RPRD2: variants seen among roughly 807,000 people sequenced by gnomAD.
The protein encoded by RPRD2 is regulation of nuclear pre-mRNA domain-containing protein 2.
Under a neutral mutation model 104.4 loss-of-function variants are expected in RPRD2, and 12 were observed. The observed-to-expected ratio is 0.11, with a 90% CI of 0.07 to 0.19. RPRD2 has a LOEUF of 0.19. Among genes scored for constraint, RPRD2 ranks in the 10% least tolerant of loss-of-function variants. The pLI is 1.00. For synonymous variants in RPRD2, 714 were observed against 684.9 expected (o/e 1.04, Z -0.66); for missense variants, 1,543 against 1,790.1 (o/e 0.86, Z 2.49).
At chr1:150,443,092 T>A in intron 4 of RPRD2, 139 bp from the exon 5 acceptor site, 1 of 606,238 alleles carries the variant, frequency 1.6e-6, no homozygotes, top group East Asian at 2.9e-5. Context: ...TAGTCCATTA[T>A]TTATTTTAGG....
chr1:150,417,172 AT>A (rs71578492), intron 1 of RPRD2, among the ~76,000 whole-genome samples: 45,073 of 149,770 alleles, frequency 0.3, 8,114 homozygotes, highest in Non-Finnish European at 0.4. Context: ...TGTTCAACTC[AT>A]TTTTTTTTTG....
intron 7 of RPRD2, among the ~76,000 whole-genome samples, chr1:150,449,659 C>A (rs1232465799): frequency 3.3e-5 from 5 of 152,034 alleles, no homozygotes; most frequent in African/African-American, 1.2e-4. Flanking sequence ...TAGGGCCCAT[C>A]CTGATGACCT....
In RPRD2 at chr1:150,404,123, C is replaced by T. The variant is rs1265194553; in HGVS notation, c.206-13473C>T. Among the ~76,000 whole-genome samples, 3 of 152,184 alleles carry T rather than the reference C, an allele frequency of 2.0e-5. No homozygotes were observed. In the East Asian group the frequency reaches 5.8e-4, roughly 29 times the overall value. ...AACCTGAAAAAGACCTAAGACCCAG[C>T]TGATTTAGCAGCCACACTTGTGTGA... is the stretch of plus-strand genomic sequence containing the variant. On this transcript the variant is annotated intron_variant, in intron 1 of 10. Coordinates refer to ENST00000369068, the MANE Select transcript of RPRD2 (RefSeq NM_015203.5).
chr1:150,436,859 C>T (rs1225866698), intron 2 of RPRD2, among the ~76,000 whole-genome samples: 7 of 146,198 alleles, frequency 4.8e-5, no homozygotes, highest in Admixed American at 6.9e-5. Context: ...GAGCTGAGAT[C>T]GCGCCATTGC....
At chr1:150,442,116 G>A (rs1013577368) in intron 4 of RPRD2, among the ~76,000 whole-genome samples, 158 bp downstream of exon 4, 2 of 134,384 alleles carry the variant, frequency 1.5e-5, no homozygotes, top group East Asian at 2.0e-4. Flanking sequence ...AGCCATCATG[G>A]AGATACTTCT....
intron 1 of RPRD2, among the ~76,000 whole-genome samples, chr1:150,382,255 C>T (rs1553880942): frequency 2.6e-5 from 4 of 152,046 alleles, no homozygotes; most frequent in African/African-American, 4.8e-5. Flanking sequence ...AGCAAAAGAA[C>T]ATATAATTTG....
chr1:150,441,689 A>T (rs1666414513), intron 3 of RPRD2, 192 bp from the exon 4 acceptor site: 1 of 454,860 alleles, frequency 2.2e-6, no homozygotes, highest in Non-Finnish European at 4.0e-6. Context: ...TGATGATAAA[A>T]ATCGTGTTTA....
rs562476167 is a variant in RPRD2, at chr1:150,387,567, C to CTTTTTTTT, written c.205+22682_205+22689dup. On this transcript the variant is annotated intron_variant, in intron 1 of 10. Transcript: ENST00000369068. ...AAATCTTACAGAAGTTGCAACAGACCTTTTTTTTTTTTTTTTTTTTTTTTT... is the reference window on the plus strand; with the variant it reads ...AAATCTTACAGAAGTTGCAACAGACCTTTTTTTTTTTTTTTTTTTTTTTTTTTTTTTTT... Among the ~76,000 whole-genome samples the CTTTTTTTT allele has an allele frequency of 2.5e-3, 185 of 73,746 alleles. 25 individuals are homozygous for CTTTTTTTT. Among genetic ancestry groups the CTTTTTTTT allele is most frequent in the East Asian group, 3.1e-3 (6 of 1,956 alleles). The allele number at this position is 73,746 out of a possible 152,430, so 48.4% of individuals were successfully genotyped here.
In RPRD2 at chr1:150,439,967, A is replaced by T. The variant is rs374475044; in HGVS notation, c.336-956A>T. Among the ~76,000 whole-genome samples, 210 of 148,654 alleles carry T rather than the reference A, an allele frequency of 1.4e-3. 2 individuals are homozygous for T. In the South Asian group the frequency reaches 0.043, roughly 30 times the overall value. ...TTATTTCTCATTCACTTCTACTTTA[A>T]CACTTTTTTTTTTTGAGACAAGGTC... On this transcript the variant is annotated intron_variant, in intron 2 of 10. Transcript: ENST00000369068.
Position 150,443,224 on chromosome 1 carries a change from C to T in RPRD2, c.515-7C>T. The T allele has an allele frequency of 6.4e-7, 1 of 1,570,280 alleles. No homozygotes were observed. Among genetic ancestry groups the T allele is most frequent in the Non-Finnish European group, 8.7e-7 (1 of 1,155,900 alleles). ...ATTCTTAATGACCTTTTGTTTAATTCCAACAGCATCTACAAATCCAAAAGC... is the reference window on the plus strand; with the variant it reads ...ATTCTTAATGACCTTTTGTTTAATTTCAACAGCATCTACAAATCCAAAAGC... On this transcript the variant is annotated splice_region_variant and splice_polypyrimidine_tract_variant and intron_variant, in intron 4 of 10. Transcript: ENST00000369068.
intron 10 of RPRD2, among the ~76,000 whole-genome samples, chr1:150,465,885 A>G (rs1553899831): frequency 1.3e-5 from 2 of 150,442 alleles, no homozygotes; most frequent in African/African-American, 4.9e-5. Flanking sequence ...CAGGTGAAAT[A>G]ACATCTCTAC....
At chr1:150,458,485 A>G (rs12739019) in intron 8 of RPRD2, among the ~76,000 whole-genome samples, 33,609 of 151,782 alleles carry the variant, frequency 0.22, 4,232 homozygotes, top group African/African-American at 0.32. Flanking sequence ...ATTGGAGTCC[A>G]GAAACTAGGC....
Position 150,364,672 on chromosome 1 carries a change from C to T in RPRD2, c.-43C>T, listed in dbSNP as rs782415768. 1 of 1,213,706 alleles carries T rather than the reference C, an allele frequency of 8.2e-7. No individual in the cohort carries two copies. Among genetic ancestry groups the T allele is most frequent in the East Asian group, 2.5e-5 (1 of 39,230 alleles). The allele number at this position is 1,213,706 out of a possible 1,614,324, so 75.2% of individuals were successfully genotyped here. A position where few individuals can be genotyped will look rare whatever the true frequency, so the allele number is the denominator to read the frequency against. On this transcript the variant is annotated 5_prime_UTR_variant, in exon 1 of 11. Transcript: ENST00000369068. The stretch of plus-strand genomic sequence containing the variant: ...TGCCCGCTCCCGCCGCCGCCGCCGC[C>T]GCCGCCGCCAGAGGAGCAGCAGCGC...
At chr1:150,373,974 C>A (rs781864093) in intron 1 of RPRD2, among the ~76,000 whole-genome samples, 94 of 152,192 alleles carry the variant, frequency 6.2e-4, no homozygotes, top group Admixed American at 1.7e-3. Flanking sequence ...CATACTACTT[C>A]AAAAATCCTT....
chr1:150,376,746 C>T (rs191480695), intron 1 of RPRD2, among the ~76,000 whole-genome samples: 2,150 of 151,676 alleles, frequency 0.014, 54 homozygotes, highest in African/African-American at 0.049. Flanking sequence ...GTGATCCGCC[C>T]GCCTTGGCCT....
Position 150,364,902 on chromosome 1 carries a change from T to A in RPRD2, c.188T>A (p.Met63Lys). The A allele has an allele frequency of 6.2e-7, 1 of 1,613,978 alleles. No individual in the cohort carries two copies. The highest frequency in any genetic ancestry group is 8.5e-7 in the Non-Finnish European group (1 of 1,179,882). ...CACAGTACTATCGTCTATCATTGGATGAAGTGGCTCCGGAGATGTGAGTGT... is the reference window on the plus strand; with the variant it reads ...CACAGTACTATCGTCTATCATTGGAAGAAGTGGCTCCGGAGATGTGAGTGT... ...KHHSTIVYHWMKWLRRSAYPH... is the reference protein window; with the variant it reads ...KHHSTIVYHWKKWLRRSAYPH... The change falls in exon 1 of 11, where the codon ATG becomes AAG. Residue 63 changes from methionine (M) to lysine (K), a missense_variant. By Grantham distance (95) the Met-to-Lys change is moderately conservative. This residue lies in a region of RPRD2 where 88 missense variants were observed against 96.6 expected (regional missense o/e 0.91). Transcript: ENST00000369068.
chr1:150,435,691 A>G (rs895322686), intron 2 of RPRD2, among the ~76,000 whole-genome samples: 1 of 152,216 alleles, frequency 6.6e-6, no homozygotes, highest in Non-Finnish European at 1.5e-5. Context: ...AGATTTAAGG[A>G]AAGAAGTCAT....
intron 2 of RPRD2, among the ~76,000 whole-genome samples, chr1:150,426,831 C>T (rs190945834): frequency 1.5e-3 from 231 of 152,266 alleles, no homozygotes; most frequent in South Asian, 5.8e-3. Context: ...GTACTTAATG[C>T]CATTTAATTG....
rs143626934 is a variant in RPRD2, at chr1:150,388,497, GCACACACACA to G, written c.205+23595_205+23604del. The stretch of plus-strand genomic sequence containing the variant: ...ACATACACTATATATATATACCCGC[GCACACACACA>G]CACACACACACACACATATATACAC... On this transcript the variant is annotated intron_variant, in intron 1 of 10. Transcript: ENST00000369068. Among the ~76,000 whole-genome samples, 57 of 90,218 alleles carry G rather than the reference GCACACACACA, an allele frequency of 6.3e-4. No individual in the cohort carries two copies. In the East Asian group the frequency reaches 6.5e-3, roughly 10 times the overall value. The allele number at this position is 90,218 out of a possible 152,430, so 59.2% of individuals were successfully genotyped here. A position where few individuals can be genotyped will look rare whatever the true frequency, so the allele number is the denominator to read the frequency against.
Sources: allele counts gnomAD v4.1 joint callset (sites outside exome capture counted in the v4.1 genomes callset), GRCh38; gene constraint gnomAD v4.1.1; regional missense constraint gnomAD v4.1.1; transcripts MANE v1.5; gene names NCBI Gene and HGNC (gene_info 2026-07-23, HGNC 2026-07-21).